The following SH3GL1 variants were observed in gnomAD, a reference collection of about 807,000 sequenced individuals.
SH3GL1 encodes endophilin-A2.
A neutral mutation model predicts 48.8 loss-of-function variants in SH3GL1; 21 were observed. The observed-to-expected ratio is 0.43, with a 90% confidence interval of 0.30 to 0.62. The LOEUF is 0.62. Ranked by LOEUF, SH3GL1 falls within the 20% of genes least tolerant of loss-of-function variation. SH3GL1 has a pLI of 0.11. For synonymous variants in SH3GL1, 282 were observed against 217.5 expected, an observed-to-expected ratio of 1.30 and a Z score of -2.61; for missense variants, 454 against 503.0, an observed-to-expected ratio of 0.90 and a Z score of 0.93.
intron 1 of SH3GL1, among the ~76,000 whole-genome samples, chr19:4,381,232 TCTCTCTCTGTCCCCTCTGC>T (rs1214563525): frequency 1.2e-5 from 1 of 80,382 alleles, no homozygotes; most frequent in African/African-American, 4.3e-5. Context: ...CTGTCTCCCA[TCTCTCTCTGTCCCCTCTGC>T]CTCTCTCTGT....
intron 1 of SH3GL1, among the ~76,000 whole-genome samples, chr19:4,394,069 G>C (rs796219321): frequency 3.5e-5 from 5 of 141,438 alleles, no homozygotes; most frequent in African/African-American, 1.3e-4. Flanking sequence ...GTCCCTCCTA[G>C]CTCAGTCTGA....
Position 4,361,320 on chromosome 19 carries a change from A to T in SH3GL1, c.*280T>A. The T allele has an allele frequency of 2.0e-6, 1 of 499,036 alleles. No homozygotes were observed. The highest frequency in any genetic ancestry group is 3.6e-6 in the Non-Finnish European group (1 of 279,788). 30.9% of individuals were successfully genotyped at this position (499,036 alleles called of 1,614,324 possible). On this transcript the variant is annotated 3_prime_UTR_variant, in exon 10 of 10. Transcript: ENST00000269886. ...GCCCCGCCTCGGCCAGCTGGGCGAG[A>T]AGTTGGGGAGCGGGGGAGGAGGCTG...
At chr19:4,371,522 ACTATCTG>A (rs1436255540) in intron 1 of SH3GL1, among the ~76,000 whole-genome samples, 1 of 152,234 alleles carries the variant, frequency 6.6e-6, no homozygotes, top group African/African-American at 2.4e-5. Flanking sequence ...GCCCCAGCAG[ACTATCTG>A]CTCTGATGAA....
intron 1 of SH3GL1, among the ~76,000 whole-genome samples, chr19:4,385,275 A>G (rs1369656547): frequency 6.6e-6 from 1 of 152,136 alleles, no homozygotes; most frequent in Non-Finnish European, 1.5e-5. Flanking sequence ...GCACCTGCTC[A>G]TCTGCTGGTC....
At position 4,366,487 on chromosome 19, in the gene SH3GL1, G is replaced by T; in HGVS notation, c.187+14C>A. ...GGGCCTGGGGCAGGCCCTGGCAGTG[G>T]CTGGAGCACCCACCTGGGTTGGGCT... On this transcript the variant is annotated intron_variant, in intron 3 of 9. Coordinates refer to ENST00000269886, the MANE Select transcript of SH3GL1 (RefSeq NM_003025.4). 6.2e-7 allele frequency: 1 copy of T among 1,605,136 alleles called. No homozygotes were observed.
In SH3GL1 at chr19:4,360,982, CCCCGGGCTGCAAGCTGACAGCAGG is replaced by C. The variant is rs1972590763; in HGVS notation, c.*594_*617del. ...CAGGCAGATCCCAGCTGGCCTCTGTCCCCGGGCTGCAAGCTGACAGCAGGCCCGGGAGGCGGTGAGGCCCTCTGC... is the reference window on the plus strand; with the variant it reads ...CAGGCAGATCCCAGCTGGCCTCTGTCCCCGGGAGGCGGTGAGGCCCTCTGC... On this transcript the variant is annotated 3_prime_UTR_variant, in exon 10 of 10. Transcript: ENST00000269886. The C allele has an allele frequency of 4.3e-6, 1 of 233,782 alleles. No individual in the cohort carries two copies. Among genetic ancestry groups the C allele is most frequent in the African/African-American group, 2.2e-5 (1 of 45,346 alleles). The allele number at this position is 233,782 out of a possible 1,614,324, so 14.5% of individuals were successfully genotyped here.
chr19:4,394,911 C>T (rs1205135396), intron 1 of SH3GL1, among the ~76,000 whole-genome samples: 2 of 152,238 alleles, frequency 1.3e-5, no homozygotes, highest in Non-Finnish European at 1.5e-5. Flanking sequence ...CCTATCCCCT[C>T]GATGCCATGA....
Position 4,366,622 on chromosome 19 carries a change from G to C in SH3GL1, c.115-49C>G, listed in dbSNP as rs201243487. 3.4e-4 allele frequency: 526 copies of C among 1,538,230 alleles called. 2 individuals carry two copies. Among genetic ancestry groups the C allele is most frequent in the Non-Finnish European group, 4.6e-4 (513 of 1,120,032 alleles). On this transcript the variant is annotated intron_variant, in intron 2 of 9. Coordinates refer to ENST00000269886, the MANE Select transcript of SH3GL1 (RefSeq NM_003025.4). ...GACTCCACAGCCAGTGGGGGCCCAA[G>C]GCACACAAGACCCCCGCTGCTGCAC...
Position 4,399,986 on chromosome 19 carries a change from T to C in SH3GL1, c.45+338A>G, listed in dbSNP as rs1973493182. On this transcript the variant is annotated intron_variant, in intron 1 of 9. Transcript: ENST00000269886. ...TCTGGGTTATCTGGCAAGAGTCCTG[T>C]GTCGACAGCCTCGGGACTCCTCTCT... 2.6e-5 allele frequency among the ~76,000 whole-genome samples: 4 copies of C among 152,170 alleles called. No individual in the cohort carries two copies. The South Asian group carries it at 8.3e-4, about 31-fold the overall frequency.
At chr19:4,379,464 A>G (rs2066008412) in intron 1 of SH3GL1, among the ~76,000 whole-genome samples, 2 of 151,642 alleles carry the variant, frequency 1.3e-5, no homozygotes, top group African/African-American at 4.8e-5. Flanking sequence ...GGACCAAGAG[A>G]GAAAATGACT....
At chr19:4,398,722 TG>T (rs1424042012) in intron 1 of SH3GL1, among the ~76,000 whole-genome samples, 1 of 152,170 alleles carries the variant, frequency 6.6e-6, no homozygotes, top group Non-Finnish European at 1.5e-5. Context: ...ATTTTAAATG[TG>T]CCCAGTTTTC....
intron 1 of SH3GL1, among the ~76,000 whole-genome samples, chr19:4,371,396 C>T (rs1024168550): frequency 2.0e-5 from 3 of 152,230 alleles, no homozygotes; most frequent in Non-Finnish European, 4.4e-5. Flanking sequence ...AGGAAAATTC[C>T]GAATCCTGCC....
intron 4 of SH3GL1, among the ~76,000 whole-genome samples, chr19:4,365,179 T>C (rs1166463414): frequency 6.6e-6 from 1 of 151,950 alleles, no homozygotes; most frequent in Non-Finnish European, 1.5e-5. Context: ...CCTCCAATGC[T>C]CCTAAAAGGG....
At chr19:4,368,208 T>C (rs1300938013) in intron 1 of SH3GL1, among the ~76,000 whole-genome samples, 1 of 152,184 alleles carries the variant, frequency 6.6e-6, no homozygotes, top group Non-Finnish European at 1.5e-5. Flanking sequence ...TGCCCCGAGC[T>C]GTCACAAGAC....
At chr19:4,390,920 C>T (rs1416263306) in intron 1 of SH3GL1, among the ~76,000 whole-genome samples, 1 of 152,184 alleles carries the variant, frequency 6.6e-6, no homozygotes, top group African/African-American at 2.4e-5. Flanking sequence ...TGGCAGCATG[C>T]TCCAAATTAA....
chr19:4,363,959 A>G (rs2144860338), intron 5 of SH3GL1, 81 bp from the exon 6 acceptor site: 1 of 1,604,246 alleles, frequency 6.2e-7, no homozygotes. Flanking sequence ...CTGTCCCTGC[A>G]CCACTGGGGA....
chr19:4,400,386 A>G lies in SH3GL1; in HGVS notation c.-18T>C, dbSNP rs1426305663. ...ACCGACATGCTGCCGCCCGCCGCCG[A>G]GCCTCCCGCCCGGACCGCGCCAGCG... On this transcript the variant is annotated 5_prime_UTR_variant, in exon 1 of 10. Transcript: ENST00000269886. This position sits in a 1 kb window ranked among gnomAD's most constrained non-coding sequence, Gnocchi z 4.1. 8.8e-6 allele frequency: 14 copies of G among 1,583,338 alleles called. No homozygotes were observed. The highest frequency in any genetic ancestry group is 1.1e-5 in the Non-Finnish European group (13 of 1,169,772).
intron 4 of SH3GL1, among the ~76,000 whole-genome samples, chr19:4,364,878 GTGTGTGTGTGTGTGTGTGTGTATATA>G (rs1452425970): frequency 4.4e-5 from 3 of 67,680 alleles, no homozygotes; most frequent in East Asian, 5.8e-4. Flanking sequence ...GTGTGTGTGT[GTGTGTGTGTGTGTGTGTGTGTATATA>G]TATATATATA....
chr19:4,372,496 C>G (rs1284567648), intron 1 of SH3GL1, among the ~76,000 whole-genome samples: 1 of 152,216 alleles, frequency 6.6e-6, no homozygotes, highest in Non-Finnish European at 1.5e-5. Context: ...AGCTGGAATA[C>G]AGGGTCGGGG....
Sources: gnomAD v4.1 joint callset for allele counts (sites outside exome capture counted in the v4.1 genomes callset) on GRCh38, gnomAD v4.1.1 for gene constraint, Gnocchi (gnomAD v3.1) non-coding constraint, MANE v1.5 for transcripts, NCBI Gene and HGNC (gene_info 2026-07-23, HGNC 2026-07-21) for gene names.